Variants in SYTL3 observed in about 807,000 individuals in gnomAD.
SYTL3 encodes the protein synaptotagmin like 3.
SYTL3 carries 88 observed loss-of-function variants against 82.1 expected under a neutral mutation model. That is an observed-to-expected ratio of 1.07 (90% CI 0.90 to 1.28). SYTL3 has a LOEUF of 1.28. Among genes scored for constraint, SYTL3 ranks in the 50% most tolerant of loss-of-function variants. The probability of loss-of-function intolerance (pLI) is 0.00; values close to 1 mark genes in which losing one functional copy is unlikely to be tolerated. For missense variants in SYTL3, 831 were observed against 757.6 expected (o/e 1.10, Z -1.14); for synonymous variants, 311 against 289.4 (o/e 1.07, Z -0.76).
chr6:158,682,883 T>C (rs1778873249), intron 5 of SYTL3, 42 bp from the exon 6 acceptor site: 1 of 1,507,294 alleles, frequency 6.6e-7, no homozygotes, highest in South Asian at 1.1e-5. Flanking sequence ...GCACTATTCA[T>C]ATCTTCTCTC....
At chr6:158,668,028 G>A (rs148589105) in intron 5 of SYTL3, among the ~76,000 whole-genome samples, 94 of 152,270 alleles carry the variant, frequency 6.2e-4, no homozygotes, top group African/African-American at 2.0e-3. Context: ...TAAAACAATC[G>A]TGTGGGGTAG....
At chr6:158,679,336 C>T (rs1778395105) in intron 5 of SYTL3, among the ~76,000 whole-genome samples, 1 of 151,864 alleles carries the variant, frequency 6.6e-6, no homozygotes, top group African/African-American at 2.4e-5. Flanking sequence ...TGCCACTGCA[C>T]TCCAGCCTGG....
rs770357412 is a variant in SYTL3, at chr6:158,665,506, G to A, written c.222G>A (p.Leu74=). The A allele has an allele frequency of 1.3e-6, 2 of 1,597,276 alleles. No homozygotes were observed. The highest frequency in any genetic ancestry group is 2.3e-5 in the South Asian group (2 of 88,256). Residue 74 remains leucine, a synonymous_variant, in exon 5 of 18, where the codon CTG becomes CTA. Coordinates refer to ENST00000611299, the MANE Select transcript of SYTL3 (RefSeq NM_001242394.2). ...GCCAGCAGGTGCTGGGGTTCCTGCT[G>A]CACCGGGGCGCCGTGTGCCGGGGCT... The part of the protein sequence containing the change: ...ARCQQVLGFL[L]HRGAVCRGCS...
chr6:158,686,026 CATT>C, intron 6 of SYTL3, among the ~76,000 whole-genome samples: 1 of 152,312 alleles, frequency 6.6e-6, no homozygotes, highest in East Asian at 1.9e-4. Flanking sequence ...GTTCTAGCAT[CATT>C]ATTTCAGGTA....
chr6:158,758,206 C>T (rs1466088174), intron 14 of SYTL3, among the ~76,000 whole-genome samples: 11 of 152,060 alleles, frequency 7.2e-5, no homozygotes, highest in African/African-American at 1.9e-4. Flanking sequence ...TTTGGGAGGC[C>T]GAGGCGGGCA....
At chr6:158,664,619 C>T (rs1442442890) in intron 4 of SYTL3, among the ~76,000 whole-genome samples, 2 of 152,194 alleles carry the variant, frequency 1.3e-5, no homozygotes, top group Admixed American at 1.3e-4. Flanking sequence ...GATGAAAGAT[C>T]TTTCAGTGAT....
At chr6:158,688,615 T>G (rs1409160768) in intron 6 of SYTL3, among the ~76,000 whole-genome samples, 3 of 152,016 alleles carry the variant, frequency 2.0e-5, no homozygotes, top group Admixed American at 2.0e-4. Context: ...TTAAATGAAA[T>G]TAAAAAATTA....
chr6:158,749,390 GAAAAAAAAAAAAAA>G (rs1167978441), intron 12 of SYTL3, among the ~76,000 whole-genome samples: 1 of 52,152 alleles, frequency 1.9e-5, no homozygotes, highest in Non-Finnish European at 3.6e-5. Flanking sequence ...GACTCTGTCT[GAAAAAAAAAAAAAA>G]AAAAAAGAAA....
At chr6:158,674,085 AAAT>A (rs71298903) in intron 5 of SYTL3, among the ~76,000 whole-genome samples, 7,482 of 125,936 alleles carry the variant, frequency 0.059, 256 homozygotes, top group Middle Eastern at 0.1. Context: ...CTGTGTCTCA[AAAT>A]AATAATAATA....
intron 11 of SYTL3, among the ~76,000 whole-genome samples, chr6:158,735,286 C>T (rs1281252228): frequency 6.6e-6 from 1 of 152,090 alleles, no homozygotes; most frequent in Non-Finnish European, 1.5e-5. Flanking sequence ...TGCAATTCCC[C>T]ATATACTCAT....
upstream of SYTL3, among the ~76,000 whole-genome samples, chr6:158,648,476 A>G (rs891398161): frequency 6.6e-6 from 1 of 151,586 alleles, no homozygotes; most frequent in Non-Finnish European, 1.5e-5. Flanking sequence ...CTGTAGTCCC[A>G]GCTACTCGGG....
At chr6:158,698,716 C>T (rs1258056200) in intron 6 of SYTL3, among the ~76,000 whole-genome samples, 1 of 152,132 alleles carries the variant, frequency 6.6e-6, no homozygotes, top group African/African-American at 2.4e-5. Flanking sequence ...TTCAAATACC[C>T]ACTTATATCG....
chr6:158,678,157 G>T (rs2033972), intron 5 of SYTL3, among the ~76,000 whole-genome samples: 10,917 of 152,238 alleles, frequency 0.072, 461 homozygotes, highest in Middle Eastern at 0.12. Context: ...GATTACAGGC[G>T]TGTCCCACCA....
chr6:158,666,769 T>C (rs1790109428), intron 5 of SYTL3, among the ~76,000 whole-genome samples: 1 of 152,212 alleles, frequency 6.6e-6, no homozygotes, highest in South Asian at 2.1e-4. Flanking sequence ...CTGGCATTCA[T>C]TTACTTAAGT....
At chr6:158,704,436 G>C (rs1166927065) in intron 6 of SYTL3, among the ~76,000 whole-genome samples, 1 of 152,258 alleles carries the variant, frequency 6.6e-6, no homozygotes, top group Non-Finnish European at 1.5e-5. Flanking sequence ...GGACGCGGGG[G>C]ATTTGCGACC....
At chr6:158,715,599 T>TCACACACACTCACA (rs1783278792) in intron 9 of SYTL3, among the ~76,000 whole-genome samples, 1 of 116,442 alleles carries the variant, frequency 8.6e-6, no homozygotes, top group Non-Finnish European at 1.8e-5. Context: ...TGAAACCGCA[T>TCACACACACTCACA]CACACACACA....
chr6:158,736,479 G>A (rs1034664440), intron 11 of SYTL3, among the ~76,000 whole-genome samples: 2 of 150,554 alleles, frequency 1.3e-5, no homozygotes, highest in African/African-American at 2.5e-5. Flanking sequence ...ATTGTTTGGG[G>A]GATATATTCA....
At chr6:158,753,242 CA>C (rs1355690206) in intron 13 of SYTL3, among the ~76,000 whole-genome samples, 2 of 151,894 alleles carry the variant, frequency 1.3e-5, no homozygotes, top group African/African-American at 4.8e-5. Context: ...CCACGATGGC[CA>C]GCAAATTTTT....
chr6:158,729,437 T>C (rs1438651056), intron 11 of SYTL3, among the ~76,000 whole-genome samples: 1 of 152,152 alleles, frequency 6.6e-6, no homozygotes, highest in Non-Finnish European at 1.5e-5. Flanking sequence ...TCATGACTTA[T>C]TCAGTTCCCA....
Sources: allele counts gnomAD v4.1 joint callset (sites outside exome capture counted in the v4.1 genomes callset), GRCh38; gene constraint gnomAD v4.1.1; transcripts MANE v1.5; gene names NCBI Gene and HGNC (gene_info 2026-07-23, HGNC 2026-07-21).